Variants in SLC26A8 observed in about 807,000 individuals in gnomAD.
SLC26A8 encodes the protein testis anion transporter 1.
SLC26A8 carries 70 observed loss-of-function variants against 105.0 expected under a neutral mutation model. That is an observed-to-expected ratio of 0.67 (90% confidence interval 0.55 to 0.81). SLC26A8 has a LOEUF of 0.81. Among genes scored for constraint, SLC26A8 ranks in the 40% least tolerant of loss-of-function variants. The pLI is 0.00. For missense variants in SLC26A8, 998 were observed against 1,181.8 expected (o/e 0.84, Z 2.28); for synonymous variants, 415 against 438.3 (o/e 0.95, Z 0.66).
intron 3 of SLC26A8, 54 bp downstream of exon 3, chr6:36,012,179 T>C (rs1221965585): frequency 1.3e-6 from 2 of 1,576,856 alleles, no homozygotes; most frequent in East Asian, 4.5e-5. Flanking sequence ...CCTGGGCACG[T>C]GGACAAGGTC....
intron 2 of SLC26A8, 53 bp from the exon 3 acceptor site, chr6:36,012,425 C>T: frequency 6.6e-7 from 1 of 1,525,782 alleles, no homozygotes; most frequent in Non-Finnish European, 8.7e-7. Flanking sequence ...AAAATGCCCG[C>T]ATAGCCAAGA....
At chr6:35,999,029 G>A (rs1167090884) in intron 4 of SLC26A8, among the ~76,000 whole-genome samples, 5 of 152,028 alleles carry the variant, frequency 3.3e-5, no homozygotes, top group Non-Finnish European at 5.9e-5. Context: ...CAAGTAGCTG[G>A]GATTACAGAC....
At chr6:35,945,795 C>G (rs1771637483) in intron 19 of SLC26A8, among the ~76,000 whole-genome samples, 1 of 152,216 alleles carries the variant, frequency 6.6e-6, no homozygotes, top group Non-Finnish European at 1.5e-5. Flanking sequence ...CTTGATATCC[C>G]CAGTACCAGA....
intron 2 of SLC26A8, among the ~76,000 whole-genome samples, chr6:36,013,876 A>G (rs1761928643): frequency 1.3e-5 from 2 of 152,172 alleles, no homozygotes; most frequent in African/African-American, 2.4e-5. Context: ...TGGCATTACT[A>G]TTGCTAAGGT....
chr6:35,956,073 T>C (rs900011196), intron 16 of SLC26A8, among the ~76,000 whole-genome samples: 1 of 151,912 alleles, frequency 6.6e-6, no homozygotes, highest in African/African-American at 2.4e-5. Flanking sequence ...AAAATCTGTC[T>C]CTACAAAAAA....
chr6:35,952,222 C>G (rs1319066522), intron 17 of SLC26A8, among the ~76,000 whole-genome samples: 1 of 152,136 alleles, frequency 6.6e-6, no homozygotes, highest in African/African-American at 2.4e-5. Context: ...GCATGAGACC[C>G]CCACTTCCCC....
At chr6:36,000,488 A>G (rs1342870352) in intron 3 of SLC26A8, among the ~76,000 whole-genome samples, 1 of 152,190 alleles carries the variant, frequency 6.6e-6, no homozygotes, top group African/African-American at 2.4e-5. Flanking sequence ...CCAGGGCTGA[A>G]GATAAAACTG....
chr6:36,010,191 T>C (rs1196899744), intron 3 of SLC26A8, among the ~76,000 whole-genome samples: 2 of 152,342 alleles, frequency 1.3e-5, no homozygotes, highest in African/African-American at 4.8e-5. Context: ...AAACAAAATG[T>C]CTATCAACAA....
chr6:35,968,126 C>G (rs1772592119), intron 11 of SLC26A8, among the ~76,000 whole-genome samples: 1 of 148,194 alleles, frequency 6.7e-6, no homozygotes, highest in Admixed American at 6.7e-5. Flanking sequence ...GGGATTACAC[C>G]ACTCTTGGCC....
At chr6:35,967,518 TCA>T (rs1389518566) in intron 11 of SLC26A8, among the ~76,000 whole-genome samples, 2 of 152,196 alleles carry the variant, frequency 1.3e-5, no homozygotes, top group Non-Finnish European at 2.9e-5. Context: ...GTGCTCAGTT[TCA>T]CACAAAGGGA....
chr6:35,963,169 C>T (rs763937703), intron 11 of SLC26A8, among the ~76,000 whole-genome samples: 1 of 152,094 alleles, frequency 6.6e-6, no homozygotes, highest in Admixed American at 6.6e-5. Flanking sequence ...ATTGAGCAGG[C>T]CCCGGAGACA....
chr6:35,993,250 CTG>C (rs1761239062), intron 5 of SLC26A8, among the ~76,000 whole-genome samples: 1 of 148,122 alleles, frequency 6.8e-6, no homozygotes, highest in South Asian at 2.2e-4. Context: ...AGTGATTCTC[CTG>C]TTTTGGCCTC....
At chr6:35,975,862 G>A (rs1313053536) in intron 9 of SLC26A8, among the ~76,000 whole-genome samples, 4 of 141,992 alleles carry the variant, frequency 2.8e-5, no homozygotes, top group Non-Finnish European at 6.0e-5. Context: ...GTGGTGAGCC[G>A]AGATTGCACC....
At chr6:36,001,912 C>T (rs1465458684) in intron 3 of SLC26A8, among the ~76,000 whole-genome samples, 2 of 152,154 alleles carry the variant, frequency 1.3e-5, no homozygotes, top group Non-Finnish European at 2.9e-5. Flanking sequence ...TGCAATCTCA[C>T]GAGAGACCTC....
intron 8 of SLC26A8, among the ~76,000 whole-genome samples, chr6:35,979,670 C>G (rs1415577772): frequency 2.6e-5 from 4 of 151,988 alleles, no homozygotes; most frequent in African/African-American, 9.7e-5. Context: ...AATTTACTAC[C>G]CCAATCTATA....
intron 3 of SLC26A8, among the ~76,000 whole-genome samples, chr6:36,011,855 T>C (rs1761866522): frequency 6.6e-6 from 1 of 152,194 alleles, no homozygotes; most frequent in African/African-American, 2.4e-5. Flanking sequence ...GCAATCTGTC[T>C]GCCTTGGCCT....
chr6:35,963,023 G>T (rs994790453), intron 11 of SLC26A8, among the ~76,000 whole-genome samples: 17 of 152,206 alleles, frequency 1.1e-4, no homozygotes, highest in African/African-American at 2.2e-4. Context: ...ACAAGGCAAG[G>T]TCAGGCCAAC....
chr6:36,012,081 A>G (rs58604706), intron 3 of SLC26A8, 152 bp downstream of exon 3: 24,378 of 1,112,278 alleles, frequency 0.022, 791 homozygotes, highest in African/African-American at 0.14. Flanking sequence ...GAGAGGTTAG[A>G]AATCTGGCAG....
chr6:35,966,605 A>G (rs1182260977), intron 11 of SLC26A8, among the ~76,000 whole-genome samples: 1 of 152,162 alleles, frequency 6.6e-6, no homozygotes, highest in Admixed American at 6.5e-5. Flanking sequence ...GTTTTTCAAA[A>G]TTTGTGTTGG....
Sources: gnomAD v4.1 joint callset for allele counts (sites outside exome capture counted in the v4.1 genomes callset) on GRCh38, gnomAD v4.1.1 for gene constraint, MANE v1.5 for transcripts, NCBI Gene and HGNC (gene_info 2026-07-23, HGNC 2026-07-21) for gene names.